HIVEP3: variants seen among roughly 807,000 people sequenced by gnomAD.
HIVEP3 encodes transcription factor HIVEP3.
In HIVEP3, 49 loss-of-function variants were observed where a neutral mutation model predicts 152.8. The ratio of observed to expected loss-of-function variants is 0.32; its 90% CI spans 0.26 to 0.41. HIVEP3 has a LOEUF of 0.41. Among genes scored for constraint, HIVEP3 ranks in the 10% least tolerant of loss-of-function variants. The pLI is 1.00. For synonymous variants in HIVEP3, 1,269 were observed against 1,289.0 expected (o/e 0.98, Z 0.33); for missense variants, 2,790 against 3,103.3 (o/e 0.90, Z 2.40).
At chr1:41,654,525 G>A (rs1645601618) in intron 2 of HIVEP3, among the ~76,000 whole-genome samples, 1 of 152,194 alleles carries the variant, frequency 6.6e-6, no homozygotes, top group Non-Finnish European at 1.5e-5. Context: ...AGATAGAACA[G>A]AGACCCCATA....
chr1:41,572,288 G>A (rs1644261680), intron 5 of HIVEP3, among the ~76,000 whole-genome samples: 1 of 152,164 alleles, frequency 6.6e-6, no homozygotes, highest in African/African-American at 2.4e-5. Flanking sequence ...TAAGGAGATG[G>A]GTGACACTAC....
In HIVEP3 at chr1:41,851,708, G is replaced by A. The variant is rs970899233; in HGVS notation, c.-801+66705C>T. On this transcript the variant is annotated intron_variant, in intron 1 of 8. Coordinates refer to ENST00000372583, the MANE Select transcript of HIVEP3 (RefSeq NM_024503.5). ...TTAGACTACTGAGCTTTAATAGAAC[G>A]TGGAAGGAGAAAAACGTGCCCTTAG... Among the ~76,000 whole-genome samples, 9 of 152,156 alleles carry A rather than the reference G, an allele frequency of 5.9e-5. No homozygotes were observed. In the South Asian group the frequency reaches 1.7e-3, roughly 28 times the overall value.
At chr1:41,972,526 C>T (rs1645235701) in intron 1 of HIVEP3, among the ~76,000 whole-genome samples, 1 of 152,214 alleles carries the variant, frequency 6.6e-6, no homozygotes, top group Non-Finnish European at 1.5e-5. Context: ...AACTGCCTTC[C>T]ATGCAATTGA....
intron 1 of HIVEP3, among the ~76,000 whole-genome samples, chr1:41,955,512 T>A (rs1019294938): frequency 6.6e-6 from 1 of 152,112 alleles, no homozygotes; most frequent in Non-Finnish European, 1.5e-5. Context: ...AAACCCCTCA[T>A]ATTAAAACCA....
intron 1 of HIVEP3, among the ~76,000 whole-genome samples, chr1:41,899,469 C>T (rs1434396727): frequency 6.6e-6 from 1 of 152,258 alleles, no homozygotes. Context: ...TGCAATGGTG[C>T]AATCTCGGCT....
At chr1:41,809,440 C>T (rs1650821416) in intron 1 of HIVEP3, among the ~76,000 whole-genome samples, 1 of 152,184 alleles carries the variant, frequency 6.6e-6, no homozygotes, top group African/African-American at 2.4e-5. Context: ...ACCCCAGGCT[C>T]CTTCTCAATA....
At chr1:41,675,856 G>C (rs1181511938) in intron 2 of HIVEP3, among the ~76,000 whole-genome samples, 1 of 152,198 alleles carries the variant, frequency 6.6e-6, no homozygotes, top group Non-Finnish European at 1.5e-5. Flanking sequence ...CAGGCCACAG[G>C]CTCTGCTGAT....
chr1:41,550,085 C>G (rs549052952), intron 5 of HIVEP3, among the ~76,000 whole-genome samples: 171 of 152,314 alleles, frequency 1.1e-3, no homozygotes, highest in African/African-American at 3.9e-3. Context: ...TTTCAGCTTT[C>G]TACATAGGGC....
At chr1:41,996,314 C>A (rs1344388199) in intron 1 of HIVEP3, among the ~76,000 whole-genome samples, 1 of 150,746 alleles carries the variant, frequency 6.6e-6, no homozygotes, top group Non-Finnish European at 1.5e-5. Context: ...TGCTTGAGCA[C>A]AAGAGTTTGA....
At chr1:41,632,414 AAG>A (rs1489920347) in intron 2 of HIVEP3, among the ~76,000 whole-genome samples, 1 of 152,192 alleles carries the variant, frequency 6.6e-6, no homozygotes, top group African/African-American at 2.4e-5. Context: ...AGAAAAAAGA[AAG>A]AGGATATTTA....
At chr1:41,809,452 A>G (rs1360088204) in intron 1 of HIVEP3, among the ~76,000 whole-genome samples, 2 of 152,242 alleles carry the variant, frequency 1.3e-5, no homozygotes, top group Non-Finnish European at 2.9e-5. Flanking sequence ...TTCTCAATAC[A>G]GGTGATTCTT....
chr1:41,902,402 T>C (rs2124454986), intron 1 of HIVEP3, among the ~76,000 whole-genome samples: 1 of 152,246 alleles, frequency 6.6e-6, no homozygotes, highest in Non-Finnish European at 1.5e-5. Context: ...CATCCCAGCC[T>C]CAGCCTGACC....
chr1:41,591,095 A>C (rs1037001773), intron 3 of HIVEP3, among the ~76,000 whole-genome samples: 1 of 152,198 alleles, frequency 6.6e-6, no homozygotes, highest in African/African-American at 2.4e-5. Context: ...CTATTGGAGA[A>C]AGCATTTCTG....
rs1231809253 is a variant in HIVEP3, at chr1:41,662,055, G to C, written c.-720-33108C>G. Reference sequence around the variant, plus strand: ...CGACGCGGCTCCCTCCGGTCCCTCTGCCGCCCGCTCGGCGGTGCCCGGTCC... The same window carrying C: ...CGACGCGGCTCCCTCCGGTCCCTCTCCCGCCCGCTCGGCGGTGCCCGGTCC... On this transcript the variant is annotated intron_variant, in intron 2 of 8. Coordinates refer to ENST00000372583, the MANE Select transcript of HIVEP3 (RefSeq NM_024503.5). The surrounding 1 kb of genome is among the most constrained non-coding windows in gnomAD (Gnocchi z 7.2). 1.3e-5 allele frequency: 2 copies of C among 151,838 alleles called. No homozygotes were observed. The highest frequency in any genetic ancestry group is 2.9e-5 in the Non-Finnish European group (2 of 67,934). 9.4% of individuals were successfully genotyped at this position (151,838 alleles called of 1,614,324 possible).
At chr1:41,535,280 G>A (rs1025173256) in intron 5 of HIVEP3, among the ~76,000 whole-genome samples, 5 of 152,180 alleles carry the variant, frequency 3.3e-5, no homozygotes, top group Non-Finnish European at 2.9e-5. Flanking sequence ...TCCAGCCAGC[G>A]CTGGGGTGGA....
intron 1 of HIVEP3, among the ~76,000 whole-genome samples, chr1:41,799,958 T>C (rs1650209558): frequency 6.6e-6 from 1 of 151,984 alleles, no homozygotes; most frequent in African/African-American, 2.4e-5. Context: ...ATCAGAAAGG[T>C]GGTACCCACA....
intron 1 of HIVEP3, among the ~76,000 whole-genome samples, chr1:41,712,846 C>T (rs1646534978): frequency 6.6e-6 from 1 of 152,216 alleles, no homozygotes; most frequent in Non-Finnish European, 1.5e-5. Context: ...GCCACCAGGC[C>T]TTTTCAGCCA....
intron 5 of HIVEP3, among the ~76,000 whole-genome samples, chr1:41,556,766 T>C (rs886604087): frequency 2.6e-4 from 40 of 152,254 alleles, no homozygotes; most frequent in African/African-American, 9.4e-4. Context: ...ATTATAGTTT[T>C]AGCTCTCACC....
chr1:41,544,775 T>TGCTACCATCACCACCACCACCACCACC (rs1643646373), intron 5 of HIVEP3, among the ~76,000 whole-genome samples: 1 of 74,264 alleles, frequency 1.3e-5, no homozygotes, highest in African/African-American at 5.8e-5. Flanking sequence ...CCACTACCAC[T>TGCTACCATCACCACCACCACCACCACC]ACCTCTACCT....
Sources: gnomAD v4.1 joint callset for allele counts (sites outside exome capture counted in the v4.1 genomes callset) on GRCh38, gnomAD v4.1.1 for gene constraint, Gnocchi (gnomAD v3.1) non-coding constraint, MANE v1.5 for transcripts, NCBI Gene and HGNC (gene_info 2026-07-23, HGNC 2026-07-21) for gene names.